Variants in MGAM2 observed in about 807,000 individuals in gnomAD.
MGAM2 encodes probable maltase-glucoamylase 2.
A neutral mutation model predicts 96.1 loss-of-function variants in MGAM2; 98 were observed. The observed-to-expected ratio is 1.02, with a 90% CI of 0.87 to 1.21. The LOEUF (loss-of-function observed/expected upper bound fraction) is 1.21, where lower values mean the gene tolerates loss of function less well. MGAM2 is among the 50% of genes most tolerant of loss of function. The pLI is 0.00. For synonymous variants in MGAM2, 749 were observed against 414.8 expected, an observed-to-expected ratio of 1.81 and a Z score of -9.79; for missense variants, 2,055 against 1,182.4, an observed-to-expected ratio of 1.74 and a Z score of -10.82.
At chr7:142,178,761 G>T (rs1454548233) in intron 32 of MGAM2, among the ~76,000 whole-genome samples, 2 of 151,962 alleles carry the variant, frequency 1.3e-5, no homozygotes, top group Non-Finnish European at 2.9e-5. Flanking sequence ...GCTGTTTTTT[G>T]GTTCCATGTG....
Position 142,220,792 on chromosome 7 carries a change from C to A in MGAM2, c.6281C>A (p.Thr2094Asn), listed in dbSNP as rs963139343. The A allele has an allele frequency of 2.3e-5, 16 of 702,096 alleles. No homozygotes were observed. Among genetic ancestry groups the A allele is most frequent in the Non-Finnish European group, 3.6e-5 (14 of 384,796 alleles). 43.5% of individuals were successfully genotyped at this position (702,096 alleles called of 1,614,324 possible). Residue 2094 changes from threonine to asparagine, a missense_variant, in exon 48 of 48, where the codon ACT (threonine) becomes AAT (asparagine). Physicochemically the swap from Thr to Asn is moderately conservative, Grantham distance 65. Transcript: ENST00000477922. ...PSPTSSTTVS[T>N]IATVPISVTP... Reference sequence around the variant, plus strand: ...CCTACAAGTAGTACTACTGTGAGTACTATTGCTACCGTTCCCATTTCAGTG... The same window carrying A: ...CCTACAAGTAGTACTACTGTGAGTAATATTGCTACCGTTCCCATTTCAGTG...
At chr7:142,144,530 A>G (rs1160506293) in intron 13 of MGAM2, among the ~76,000 whole-genome samples, 2 of 152,258 alleles carry the variant, frequency 1.3e-5, no homozygotes, top group Admixed American at 6.5e-5. Flanking sequence ...GTTCTTAACA[A>G]TAACAATAAA....
Position 142,220,691 on chromosome 7 carries a change from T to C in MGAM2, c.6180T>C (p.Ile2060=), listed in dbSNP as rs904891057. ...CTAGCACTAGTGCTACTGTTCCTAT[T>C]ACAACCACACCTTCCCCTACAAATA... ...TSTSTSATVP[I]TTTPSPTNTA... The change falls in exon 48 of 48, where the codon ATT becomes ATC. Residue 2060 remains isoleucine (I), a synonymous_variant. Coordinates refer to ENST00000477922, the MANE Select transcript of MGAM2 (RefSeq NM_001293626.2). 1.0e-5 allele frequency: 7 copies of C among 702,110 alleles called. No homozygotes were observed. The highest frequency in any genetic ancestry group is 1.7e-5 in the African/African-American group (1 of 57,196). 43.5% of individuals were successfully genotyped at this position (702,110 alleles called of 1,614,324 possible). A position where few individuals can be genotyped will look rare whatever the true frequency, so the allele number is the denominator to read the frequency against.
rs1279061242 is a variant in MGAM2 at position 142,196,490 on chromosome 7, G to A, written c.4481-75G>A. 17 of 702,384 alleles carry A rather than the reference G, an allele frequency of 2.4e-5. No individual in the cohort carries two copies. In the East Asian group the frequency reaches 3.5e-4, roughly 14 times the overall value. The allele number at this position is 702,384 out of a possible 1,614,324, so 43.5% of individuals were successfully genotyped here. ...GTCCAGGGCTTTCTAATGGGGTAAG[G>A]AAAAATCAGGCCAAGCCTTCACTCT... On this transcript the variant is annotated intron_variant, in intron 38 of 47. Transcript: ENST00000477922.
At chr7:142,207,508 C>T (rs978693032) in intron 45 of MGAM2, among the ~76,000 whole-genome samples, 3 of 152,104 alleles carry the variant, frequency 2.0e-5, no homozygotes, top group African/African-American at 7.2e-5. Context: ...TCGCTGCAAG[C>T]TCCGCCTCCT....
At chr7:142,122,812 G>A (rs1794621000) in intron 3 of MGAM2, among the ~76,000 whole-genome samples, 1 of 152,100 alleles carries the variant, frequency 6.6e-6, no homozygotes, top group Non-Finnish European at 1.5e-5. Flanking sequence ...TAAACTTTGA[G>A]TTCTATTAAA....
chr7:142,210,453 C>A (rs928697838), intron 46 of MGAM2, among the ~76,000 whole-genome samples: 1 of 152,160 alleles, frequency 6.6e-6, no homozygotes, highest in African/African-American at 2.4e-5. Context: ...AAATACTCGC[C>A]GCCAGCACAG....
At chr7:142,209,007 C>G (rs1302511130) in intron 46 of MGAM2, among the ~76,000 whole-genome samples, 1 of 152,152 alleles carries the variant, frequency 6.6e-6, no homozygotes, top group East Asian at 1.9e-4. Flanking sequence ...TAACAATAAG[C>G]ACTTACTTAG....
At chr7:142,188,545 C>T (rs1796773944) in intron 36 of MGAM2, among the ~76,000 whole-genome samples, 1 of 152,196 alleles carries the variant, frequency 6.6e-6, no homozygotes, top group Non-Finnish European at 1.5e-5. Context: ...TTCTTGATGT[C>T]TACATCACTG....
At chr7:142,130,276 C>T (rs1215770559) in intron 3 of MGAM2, among the ~76,000 whole-genome samples, 1 of 152,092 alleles carries the variant, frequency 6.6e-6, no homozygotes, top group East Asian at 1.9e-4. Flanking sequence ...CTTCACTTTG[C>T]TTACTTTTTG....
chr7:142,159,198 C>T (rs973732417), intron 19 of MGAM2, 89 bp from the exon 20 acceptor site: 5 of 675,556 alleles, frequency 7.4e-6, no homozygotes, highest in African/African-American at 1.8e-5. Context: ...CAGGATTGTT[C>T]AGATAGGCAC....
rs1350633351 is a variant in MGAM2 at position 142,197,504 on chromosome 7, A to G, written c.4737A>G (p.Lys1579=). 1 of 703,034 alleles carries G rather than the reference A, an allele frequency of 1.4e-6. No individual in the cohort carries two copies. Among genetic ancestry groups the G allele is most frequent in the Non-Finnish European group, 2.6e-6 (1 of 385,054 alleles). 43.5% of individuals were successfully genotyped at this position (703,034 alleles called of 1,614,324 possible). A position where few individuals can be genotyped will look rare whatever the true frequency, so the allele number is the denominator to read the frequency against. The change falls in exon 41 of 48, where the codon AAA becomes AAG. Residue 1579 remains lysine, a synonymous_variant. Coordinates refer to ENST00000477922, the MANE Select transcript of MGAM2 (RefSeq NM_001293626.2). ...LLPYLYTLMH[K]AHVEGSTVVR... The stretch of plus-strand genomic sequence containing the variant: ...CTTATCTCTATACTCTGATGCATAA[A>G]GCTCACGTTGAGGGCAGCACAGTTG...
At chr7:142,167,924 T>TGTAGAGAGGTA (rs1439292916) in intron 26 of MGAM2, among the ~76,000 whole-genome samples, 1 of 152,062 alleles carries the variant, frequency 6.6e-6, no homozygotes, top group Admixed American at 6.6e-5. Flanking sequence ...AGCTAAGGCC[T>TGTAGAGAGGTA]GTAGAGAGGT....
chr7:142,195,303 G>A (rs1215784411), intron 37 of MGAM2, among the ~76,000 whole-genome samples: 1 of 149,936 alleles, frequency 6.7e-6, no homozygotes, highest in Non-Finnish European at 1.5e-5. Context: ...CAAGGTGCTG[G>A]GATTACATGT....
At chr7:142,149,976 T>A (rs1795520766) in intron 15 of MGAM2, among the ~76,000 whole-genome samples, 1 of 147,308 alleles carries the variant, frequency 6.8e-6, no homozygotes, top group African/African-American at 2.5e-5. Flanking sequence ...AGTTTCGCTC[T>A]TGTTGCCCAG....
intron 45 of MGAM2, chr7:142,208,220 T>C (rs1174164194): frequency 4.2e-6 from 2 of 475,836 alleles, no homozygotes; most frequent in Non-Finnish European, 8.3e-6. Context: ...ATCATCATAG[T>C]CTTTAACACC....
rs1162308675 is a variant in MGAM2 at position 142,148,120 on chromosome 7, C to A, written c.1634+547C>A. Among the ~76,000 whole-genome samples, 3 of 152,024 alleles carry A rather than the reference C, an allele frequency of 2.0e-5. No individual in the cohort carries two copies. The highest frequency in any genetic ancestry group is 2.1e-4 in the South Asian group (1 of 4,818). On this transcript the variant is annotated intron_variant, in intron 15 of 47. Transcript: ENST00000477922. This position sits in a 1 kb window ranked among gnomAD's most constrained non-coding sequence, Gnocchi z 4.2. ...ACACATGCACACACACGTGCACACA[C>A]AACTATCACCATCACCACCACCATT...
intron 3 of MGAM2, among the ~76,000 whole-genome samples, chr7:142,124,424 AG>A (rs1389344243): frequency 1.3e-5 from 2 of 152,060 alleles, no homozygotes; most frequent in Non-Finnish European, 2.9e-5. Context: ...TTGAGTTACT[AG>A]TTTGTTCTTT....
At chr7:142,153,675 G>C (rs1371638661) in intron 15 of MGAM2, among the ~76,000 whole-genome samples, 2 of 152,092 alleles carry the variant, frequency 1.3e-5, no homozygotes, top group Non-Finnish European at 2.9e-5. Flanking sequence ...AAAAAGATGG[G>C]ACAAGGAACT....
Sources: allele counts gnomAD v4.1 joint callset (sites outside exome capture counted in the v4.1 genomes callset), GRCh38; gene constraint gnomAD v4.1.1; non-coding constraint Gnocchi (gnomAD v3.1); transcripts MANE v1.5; gene names NCBI Gene and HGNC (gene_info 2026-07-23, HGNC 2026-07-21).